Variants in PCDHGB1 observed in about 807,000 individuals in gnomAD.
PCDHGB1 encodes protocadherin gamma subfamily B, 1, also known as protocadherin gamma-B1.
A neutral mutation model predicts 56.6 loss-of-function variants in PCDHGB1; 34 were observed. The ratio of observed to expected loss-of-function variants is 0.60; its 90% CI spans 0.46 to 0.80. The LOEUF is 0.80. Among genes scored for constraint, PCDHGB1 ranks in the 30% least tolerant of loss-of-function variants. The pLI, the probability that PCDHGB1 is intolerant of heterozygous loss-of-function variation, is 0.00. For synonymous variants in PCDHGB1, 561 were observed against 505.9 expected, an observed-to-expected ratio of 1.11 and a Z score of -1.46; for missense variants, 1,278 against 1,204.6, an observed-to-expected ratio of 1.06 and a Z score of -0.90.
chr5:141,361,182 G>A (rs376882435), intron 1 of PCDHGB1: 56 of 1,613,766 alleles, frequency 3.5e-5, no homozygotes, highest in Non-Finnish European at 4.7e-5. Context: ...AAGTTATTGT[G>A]ACTTCAGTAT....
chr5:141,422,140 C>T (rs1275997338), intron 1 of PCDHGB1: 15 of 1,586,774 alleles, frequency 9.5e-6, no homozygotes, highest in Non-Finnish European at 1.3e-5. Flanking sequence ...AGTTCAAGTA[C>T]GGGGGTCTCT....
intron 1 of PCDHGB1, chr5:141,366,618 C>A: frequency 6.2e-7 from 1 of 1,614,232 alleles, no homozygotes; most frequent in Non-Finnish European, 8.5e-7. Context: ...ACCGCGGACT[C>A]GAGGAAGAGT....
chr5:141,381,890 T>C (rs1471901059), intron 1 of PCDHGB1, among the ~76,000 whole-genome samples: 1 of 139,844 alleles, frequency 7.2e-6, no homozygotes, highest in African/African-American at 2.7e-5. Context: ...AGTGCAATGG[T>C]GTGATCTCGG....
intron 2 of PCDHGB1, 166 bp from the exon 3 acceptor site, chr5:141,505,227 T>C: frequency 1.2e-6 from 1 of 840,112 alleles, no homozygotes; most frequent in Non-Finnish European, 1.4e-6. Context: ...TGTGGGATTC[T>C]GGCTTCTGAA....
At chr5:141,403,317 A>G (rs576274199) in intron 1 of PCDHGB1, 2 of 1,613,974 alleles carry the variant, frequency 1.2e-6, no homozygotes, top group South Asian at 2.2e-5. Flanking sequence ...ATAGAAATAG[A>G]AGTAACTGAT....
chr5:141,433,042 G>C (rs752612411), intron 1 of PCDHGB1: 6 of 1,614,142 alleles, frequency 3.7e-6, no homozygotes, highest in Non-Finnish European at 5.1e-6. Flanking sequence ...CCCTCACCAC[G>C]GACTCGCGGA....
intron 1 of PCDHGB1, chr5:141,419,566 C>G: frequency 3.1e-6 from 5 of 1,611,792 alleles, no homozygotes; most frequent in Non-Finnish European, 2.5e-6. Context: ...CGCTGGGTCC[C>G]GACGGCTCCG....
intron 1 of PCDHGB1, chr5:141,379,021 G>A (rs1199097625): frequency 6.6e-6 from 1 of 152,192 alleles, no homozygotes; most frequent in Admixed American, 6.5e-5. Context: ...TCATGAGTTG[G>A]AAGATTCTAC....
chr5:141,409,279 T>C, intron 1 of PCDHGB1: 1 of 1,613,972 alleles, frequency 6.2e-7, no homozygotes, highest in Non-Finnish European at 8.5e-7. Context: ...TTTTGGAGAA[T>C]TCACCTCCAG....
At chr5:141,450,982 A>G (rs746572732) in intron 1 of PCDHGB1, among the ~76,000 whole-genome samples, 18 of 151,360 alleles carry the variant, frequency 1.2e-4, no homozygotes, top group Non-Finnish European at 1.9e-4. Context: ...GTGCCACCAC[A>G]CCCGGCTAAT....
chr5:141,356,851 T>C, intron 1 of PCDHGB1: 5 of 1,614,208 alleles, frequency 3.1e-6, no homozygotes, highest in Non-Finnish European at 4.2e-6. Context: ...ACTGAGCCTC[T>C]TTGTGCTGGA....
intron 1 of PCDHGB1, among the ~76,000 whole-genome samples, chr5:141,435,017 C>T (rs1477938779): frequency 1.3e-5 from 2 of 151,994 alleles, no homozygotes; most frequent in Middle Eastern, 3.2e-3. Flanking sequence ...AATGATAATG[C>T]TCTTTTCCCA....
intron 1 of PCDHGB1, chr5:141,468,696 C>G (rs1483766202): frequency 6.6e-6 from 1 of 151,386 alleles, no homozygotes; most frequent in East Asian, 2.0e-4. Context: ...GAAACCCCGT[C>G]TCTACTAAAA....
At chr5:141,427,410 G>GA (rs1197961039) in intron 1 of PCDHGB1, 3 of 463,834 alleles carry the variant, frequency 6.5e-6, no homozygotes, top group African/African-American at 2.0e-5. Flanking sequence ...AGATTCGAGA[G>GA]AAAATGGGGA....
At chr5:141,460,650 T>C (rs1264813071) in intron 1 of PCDHGB1, among the ~76,000 whole-genome samples, 2 of 152,094 alleles carry the variant, frequency 1.3e-5, no homozygotes, top group East Asian at 3.9e-4. Flanking sequence ...TGTTTACACA[T>C]ATGTAACTGT....
intron 1 of PCDHGB1, among the ~76,000 whole-genome samples, chr5:141,443,787 A>C (rs957552086): frequency 3.3e-5 from 5 of 152,222 alleles, no homozygotes; most frequent in African/African-American, 1.2e-4. Flanking sequence ...AAGACAAAAA[A>C]AATGAAAAGG....
In PCDHGB1 at chr5:141,505,574, CCT is replaced by C. The variant is rs562555098; in HGVS notation, c.2557+94_2557+95del. 5.3e-5 allele frequency: 85 copies of C among 1,593,636 alleles called. No individual in the cohort carries two copies. The African/African-American group carries it at 1.0e-3, about 20-fold the overall frequency. On this transcript the variant is annotated intron_variant, in intron 3 of 3. Coordinates refer to ENST00000523390, the MANE Select transcript of PCDHGB1 (RefSeq NM_018922.3). ...CCATGCCCACGGACTGGATGTCAAACCTGTGTAGTTTCTCCAGATCTTTCGGC... is the reference window on the plus strand; with the variant it reads ...CCATGCCCACGGACTGGATGTCAAACGTGTAGTTTCTCCAGATCTTTCGGC...
At chr5:141,382,115 A>G (rs1777964060) in intron 1 of PCDHGB1, among the ~76,000 whole-genome samples, 2 of 152,100 alleles carry the variant, frequency 1.3e-5, no homozygotes, top group African/African-American at 4.8e-5. Flanking sequence ...GGCGTGAGCA[A>G]CAGCACCTGG....
intron 1 of PCDHGB1, chr5:141,403,656 C>G: frequency 6.2e-7 from 1 of 1,613,894 alleles, no homozygotes. Flanking sequence ...GTGTTGGATA[C>G]AAATGATAAT....
Sources: allele counts gnomAD v4.1 joint callset (sites outside exome capture counted in the v4.1 genomes callset), GRCh38; gene constraint gnomAD v4.1.1; transcripts MANE v1.5; gene names NCBI Gene and HGNC (gene_info 2026-07-23, HGNC 2026-07-21).